The following TRAPPC6B variants were observed in gnomAD, a reference collection of about 807,000 sequenced individuals.
TRAPPC6B encodes trafficking protein particle complex subunit 6B.
TRAPPC6B carries 27 observed loss-of-function variants against 24.7 expected under a neutral mutation model. The observed-to-expected ratio is 1.09, with a 90% CI of 0.81 to 1.51. TRAPPC6B has a LOEUF of 1.51. Among genes scored for constraint, TRAPPC6B ranks in the 40% most tolerant of loss-of-function variants. TRAPPC6B has a pLI of 0.00. For synonymous variants in TRAPPC6B, 80 were observed against 66.6 expected (o/e 1.20, Z -0.98); for missense variants, 212 against 190.8 (o/e 1.11, Z -0.66).
At chr14:39,155,155 C>G (rs1222612688) in intron 3 of TRAPPC6B, among the ~76,000 whole-genome samples, 1 of 152,104 alleles carries the variant, frequency 6.6e-6, no homozygotes, top group Non-Finnish European at 1.5e-5. Context: ...GTCTGGAACT[C>G]CAGGGCTCAA....
Position 39,150,399 on chromosome 14 carries a change from A to T in TRAPPC6B, c.446-18T>A, listed in dbSNP as rs2052898132. The T allele has an allele frequency of 2.6e-6, 4 of 1,540,376 alleles. No individual in the cohort carries two copies. Among genetic ancestry groups the T allele is most frequent in the South Asian group, 1.2e-5 (1 of 84,016 alleles). On this transcript the variant is annotated intron_variant, in intron 5 of 5. Transcript: ENST00000330149. ...AAATTTGCCTAAAAAAAAAAATACA[A>T]ATAATTCTTTGATTTTAGATACAAA... is the stretch of plus-strand genomic sequence containing the variant.
intron 4 of TRAPPC6B, among the ~76,000 whole-genome samples, chr14:39,153,703 CTT>C (rs753192860): frequency 9.3e-5 from 12 of 129,072 alleles, no homozygotes; most frequent in Middle Eastern, 3.8e-3. Context: ...TCTTTTTTTT[CTT>C]TTTTTTTTTT....
Position 39,170,132 on chromosome 14 carries a change from C to G in TRAPPC6B, c.-37G>C. ...TCTTCCAAGCTTCGAGTTTTGGCTC[C>G]CGTTTGAGCTGGTCTGGGGGTTCCA... On this transcript the variant is annotated 5_prime_UTR_variant, in exon 1 of 6. Transcript: ENST00000330149. 1 of 1,609,334 alleles carries G rather than the reference C, an allele frequency of 6.2e-7. No individual in the cohort carries two copies. The highest frequency in any genetic ancestry group is 1.1e-5 in the South Asian group (1 of 90,968).
At chr14:39,154,034 T>A (rs1340082897) in intron 4 of TRAPPC6B, among the ~76,000 whole-genome samples, 177 bp downstream of exon 4, 1 of 152,224 alleles carries the variant, frequency 6.6e-6, no homozygotes, top group Non-Finnish European at 1.5e-5. Context: ...ACTCTATGAC[T>A]ATTTAGCTAC....
At chr14:39,168,671 C>A (rs2053133340) in intron 1 of TRAPPC6B, among the ~76,000 whole-genome samples, 1 of 152,174 alleles carries the variant, frequency 6.6e-6, no homozygotes, top group Non-Finnish European at 1.5e-5. Flanking sequence ...CCCAGCTGCT[C>A]AAGCTGAAAA....
chr14:39,163,787 T>G (rs929935490), intron 1 of TRAPPC6B, among the ~76,000 whole-genome samples: 4 of 151,026 alleles, frequency 2.6e-5, no homozygotes, highest in African/African-American at 9.9e-5. Flanking sequence ...TCTGCGTTTC[T>G]AGTACAGACT....
At position 39,151,802 on chromosome 14, in the gene TRAPPC6B, A is replaced by G. The variant is rs749425858; in HGVS notation, c.389T>C (p.Leu130Ser). The part of the protein sequence containing the change: ...AFTCGLIRGG[L>S]SNLGIKSIVT... ...AATACTTTTTATTCCCAAGTTTGAT[A>G]AGCCACCTCTGATTAAGCCACACGT... The change falls in exon 5 of 6, where the codon TTA (leucine) becomes TCA (serine). Residue 130 changes from leucine (L) to serine (S), a missense_variant. Leu to Ser is a moderately radical substitution (Grantham distance 145, BLOSUM62 -2). Coordinates refer to ENST00000330149, the MANE Select transcript of TRAPPC6B (RefSeq NM_001079537.2). 2 of 1,609,640 alleles carry G rather than the reference A, an allele frequency of 1.2e-6. No individual in the cohort carries two copies. The highest frequency in any genetic ancestry group is 2.2e-5 in the East Asian group (1 of 44,698).
chr14:39,167,043 G>A (rs532211551), intron 1 of TRAPPC6B, among the ~76,000 whole-genome samples: 1 of 152,324 alleles, frequency 6.6e-6, no homozygotes, highest in South Asian at 2.1e-4. Flanking sequence ...CCACTGGGCA[G>A]TTACAATATG....
At chr14:39,152,327 T>A (rs1054666266) in intron 4 of TRAPPC6B, among the ~76,000 whole-genome samples, 1 of 152,214 alleles carries the variant, frequency 6.6e-6, no homozygotes, top group Admixed American at 6.5e-5. Context: ...GAATCTTGAC[T>A]TGTTCAAGAC....
chr14:39,167,695 T>C (rs746583847), intron 1 of TRAPPC6B, among the ~76,000 whole-genome samples: 8 of 150,994 alleles, frequency 5.3e-5, no homozygotes, highest in African/African-American at 1.5e-4. Flanking sequence ...TTGCTTATTA[T>C]GTACTTTCAA....
rs774733485 is a variant in TRAPPC6B at position 39,150,348 on chromosome 14, T to C, written c.*2A>G. The C allele has an allele frequency of 1.3e-6, 2 of 1,585,954 alleles. No homozygotes were observed. The highest frequency in any genetic ancestry group is 1.7e-6 in the Non-Finnish European group (2 of 1,172,506). Reference sequence around the variant, plus strand: ...TGTTGAAGCCTTGCATTTCAGTATGTTCTACAGCTTCTGTATCATCACCTG... The same window carrying C: ...TGTTGAAGCCTTGCATTTCAGTATGCTCTACAGCTTCTGTATCATCACCTG... On this transcript the variant is annotated 3_prime_UTR_variant, in exon 6 of 6. Coordinates refer to ENST00000330149, the MANE Select transcript of TRAPPC6B (RefSeq NM_001079537.2).
At chr14:39,153,187 G>A (rs1280870162) in intron 4 of TRAPPC6B, among the ~76,000 whole-genome samples, 1 of 151,186 alleles carries the variant, frequency 6.6e-6, no homozygotes, top group Non-Finnish European at 1.5e-5. Flanking sequence ...AGCTACTCAG[G>A]AGGCTGAGGC....
rs1017845906 is a variant in TRAPPC6B, at chr14:39,147,895, T to G, written c.*2455A>C. 1 of 152,228 alleles carries G rather than the reference T, an allele frequency of 6.6e-6. No individual in the cohort carries two copies. The highest frequency in any genetic ancestry group is 1.5e-5 in the Non-Finnish European group (1 of 68,046). The allele number at this position is 152,228 out of a possible 1,614,324, so 9.4% of individuals were successfully genotyped here. On this transcript the variant is annotated 3_prime_UTR_variant, in exon 6 of 6. Transcript: ENST00000330149. ...CCTACTCCCGCAGAAAAAGGCATAT[T>G]CAATTGTCCCATACTAATTTTTGAA...
At chr14:39,154,921 G>GTTTC (rs1315021950) in intron 3 of TRAPPC6B, among the ~76,000 whole-genome samples, 1 of 152,088 alleles carries the variant, frequency 6.6e-6, no homozygotes, top group African/African-American at 2.4e-5. Context: ...GAAATAAGCT[G>GTTTC]TTTGTTTGTA....
chr14:39,160,300 A>G (rs1405231757), intron 1 of TRAPPC6B, among the ~76,000 whole-genome samples: 1 of 151,816 alleles, frequency 6.6e-6, no homozygotes, highest in Non-Finnish European at 1.5e-5. Context: ...AAACCCCTCA[A>G]GACACGGTGG....
In TRAPPC6B at chr14:39,159,237, CT is replaced by C. The variant is rs576712622; in HGVS notation, c.149+245del. ...GCTTCAATAGCTTCAGGAATAAAGTCTAAAATAGCTTCAGGAAGAAAGTCTA... is the reference window on the plus strand; with the variant it reads ...GCTTCAATAGCTTCAGGAATAAAGTCAAAATAGCTTCAGGAAGAAAGTCTA... On this transcript the variant is annotated intron_variant, in intron 2 of 5. Coordinates refer to ENST00000330149, the MANE Select transcript of TRAPPC6B (RefSeq NM_001079537.2). 9.3e-4 allele frequency: 197 copies of C among 212,888 alleles called. 2 individuals carry two copies. The highest frequency in any genetic ancestry group is 4.3e-3 in the African/African-American group (188 of 43,382). The allele number at this position is 212,888 out of a possible 1,614,324, so 13.2% of individuals were successfully genotyped here. A position where few individuals can be genotyped will look rare whatever the true frequency, so the allele number is the denominator to read the frequency against.
rs1390954346 is a variant in TRAPPC6B at position 39,149,068 on chromosome 14, T to C, written c.*1282A>G. 3.6e-6 allele frequency: 1 copy of C among 280,338 alleles called. No individual in the cohort carries two copies. The highest frequency in any genetic ancestry group is 6.6e-6 in the Non-Finnish European group (1 of 152,390). The allele number at this position is 280,338 out of a possible 1,614,324, so 17.4% of individuals were successfully genotyped here. A position where few individuals can be genotyped will look rare whatever the true frequency, so the allele number is the denominator to read the frequency against. ...TCTGTCACTGACTGAAACATCATTA[T>C]AGGGCACATAACTAGAATTTAATAA... On this transcript the variant is annotated 3_prime_UTR_variant, in exon 6 of 6. Coordinates refer to ENST00000330149, the MANE Select transcript of TRAPPC6B (RefSeq NM_001079537.2).
chr14:39,160,843 T>C (rs559256036), intron 1 of TRAPPC6B, among the ~76,000 whole-genome samples: 183 of 152,266 alleles, frequency 1.2e-3, no homozygotes, highest in Non-Finnish European at 1.8e-3. Flanking sequence ...TATTCTAGAG[T>C]TCTTATAAAT....
rs2139374413 is a variant in TRAPPC6B at position 39,149,795 on chromosome 14, GAAAAA to G, written c.*550_*554del. On this transcript the variant is annotated 3_prime_UTR_variant, in exon 6 of 6. Transcript: ENST00000330149. ...CTCTGAAGGAATGAAACCTATTAAA[GAAAAA>G]TTAAATTTATAAACAATTTAGGCAG... 6.6e-6 allele frequency: 1 copy of G among 151,924 alleles called. No individual in the cohort carries two copies. The highest frequency in any genetic ancestry group is 6.6e-5 in the Admixed American group (1 of 15,254). The allele number at this position is 151,924 out of a possible 1,614,324, so 9.4% of individuals were successfully genotyped here.
Sources: allele counts gnomAD v4.1 joint callset (sites outside exome capture counted in the v4.1 genomes callset), GRCh38; gene constraint gnomAD v4.1.1; transcripts MANE v1.5; gene names NCBI Gene and HGNC (gene_info 2026-07-23, HGNC 2026-07-21).